Variants in NAALAD2 observed in about 807,000 individuals in gnomAD.
NAALAD2 encodes the protein N-acetylated alpha-linked acidic dipeptidase 2, also known as N-acetylated-alpha-linked acidic dipeptidase 2.
A neutral mutation model predicts 95.6 loss-of-function variants in NAALAD2; 89 were observed. The observed-to-expected ratio is 0.93, with a 90% CI of 0.78 to 1.11. The LOEUF (loss-of-function observed/expected upper bound fraction) is 1.11, where lower values mean the gene tolerates loss of function less well. NAALAD2 is among the 50% of genes least tolerant of loss of function. The pLI, the probability that NAALAD2 is intolerant of heterozygous loss-of-function variation, is 0.00. For missense variants in NAALAD2, 894 were observed against 872.4 expected (o/e 1.02, Z -0.31); for synonymous variants, 264 against 294.4 (o/e 0.90, Z 1.06).
intron 15 of NAALAD2, among the ~76,000 whole-genome samples, chr11:90,176,376 AG>A (rs1952794739): frequency 6.6e-6 from 1 of 152,188 alleles, no homozygotes; most frequent in Non-Finnish European, 1.5e-5. Context: ...TCTCTAGACT[AG>A]TCTTGCAGGC....
chr11:90,180,746 C>G (rs1448782002), intron 16 of NAALAD2, among the ~76,000 whole-genome samples: 2 of 151,754 alleles, frequency 1.3e-5, no homozygotes, highest in African/African-American at 4.8e-5. Flanking sequence ...ATATAGTCAC[C>G]TCTCTATATT....
chr11:90,191,500 A>T, intron 18 of NAALAD2, 58 bp from the exon 19 acceptor site: 3 of 1,275,036 alleles, frequency 2.4e-6, no homozygotes, highest in Non-Finnish European at 3.1e-6. Context: ...CTAAACAAAA[A>T]GCATGCAAAA....
chr11:90,163,532 C>CA lies in NAALAD2; in HGVS notation c.1196-2dup, dbSNP rs754703441. 4 of 1,613,536 alleles carry CA rather than the reference C, an allele frequency of 2.5e-6. No individual in the cohort carries two copies. Among genetic ancestry groups the CA allele is most frequent in the Non-Finnish European group, 3.4e-6 (4 of 1,179,864 alleles). ...TAACCACGTGTGTTAACAATTCTTA[C>CA]AGGCTGGAGACCTAGAAGAACTATC... On this transcript the variant is annotated splice_polypyrimidine_tract_variant and splice_region_variant and intron_variant, in intron 10 of 18. Transcript: ENST00000534061.
chr11:90,150,747 C>T (rs1421026926), intron 5 of NAALAD2, 140 bp downstream of exon 5: 28 of 575,588 alleles, frequency 4.9e-5, no homozygotes, highest in East Asian at 1.5e-4. Flanking sequence ...CATGGGTACA[C>T]GGAAACTCAT....
At chr11:90,180,364 T>G (rs796232693) in intron 16 of NAALAD2, among the ~76,000 whole-genome samples, 3 of 152,200 alleles carry the variant, frequency 2.0e-5, no homozygotes, top group African/African-American at 7.2e-5. Flanking sequence ...AAAACAACAA[T>G]TAAAAGTTAA....
intron 14 of NAALAD2, among the ~76,000 whole-genome samples, chr11:90,174,709 ATTTAT>A (rs1297218348): frequency 1.3e-5 from 2 of 151,704 alleles, no homozygotes; most frequent in African/African-American, 4.8e-5. Flanking sequence ...GCTTTCTTAA[ATTTAT>A]TTTATATTTA....
In NAALAD2 at chr11:90,152,230, GTCTT is replaced by G. The variant is rs947037340; in HGVS notation, c.610-63_610-60del. On this transcript the variant is annotated intron_variant, in intron 5 of 18. Coordinates refer to ENST00000534061, the MANE Select transcript of NAALAD2 (RefSeq NM_005467.4). ...AATATCCTTCCATTATTAAATTAAT[GTCTT>G]TCTTATATGAATAAGCCAACCATTT... The G allele has an allele frequency of 3.3e-4, 454 of 1,363,590 alleles. 1 individual carries two copies. The African/African-American group carries it at 5.8e-3, about 17-fold the overall frequency. 84.5% of individuals were successfully genotyped at this position (1,363,590 alleles called of 1,614,324 possible).
intron 18 of NAALAD2, among the ~76,000 whole-genome samples, chr11:90,186,480 A>G (rs1175685851): frequency 6.6e-6 from 1 of 152,152 alleles, no homozygotes; most frequent in Non-Finnish European, 1.5e-5. Context: ...ATAATGCCGC[A>G]ATAAACATGT....
At chr11:90,187,756 C>T (rs1164510555) in intron 18 of NAALAD2, among the ~76,000 whole-genome samples, 3 of 152,144 alleles carry the variant, frequency 2.0e-5, no homozygotes, top group Admixed American at 1.3e-4. Flanking sequence ...ATTTTATGAA[C>T]CTCAAGAATG....
intron 17 of NAALAD2, 25 bp downstream of exon 17, chr11:90,181,726 TA>T (rs3832738): frequency 0.15 from 139,456 of 952,278 alleles, 306 homozygotes; most frequent in African/African-American, 0.18. Flanking sequence ...CCTTTTTTTT[TA>T]AAAAAAAAAA....
At position 90,191,667 on chromosome 11, in the gene NAALAD2, T is replaced by C. The variant is rs1275774908; in HGVS notation, c.2143T>C (p.Trp715Arg). Reference sequence around the variant, plus strand: ...AAATAAAGCCAACTCTCGTTTGGCCTGGAAAGAAGTAAAGAAACATATTTC... The same window carrying C: ...AAATAAAGCCAACTCTCGTTTGGCCCGGAAAGAAGTAAAGAAACATATTTC... Reference protein sequence around the residue: ...IENKANSRLAWKEVKKHISIA... With the variant: ...IENKANSRLARKEVKKHISIA... Residue 715 changes from tryptophan to arginine, a missense_variant, in exon 19 of 19, where the codon TGG (tryptophan) becomes CGG (arginine). By Grantham distance (101) the Trp-to-Arg change is moderately radical. Transcript: ENST00000534061. 1.2e-6 allele frequency: 2 copies of C among 1,603,104 alleles called. No homozygotes were observed. Among genetic ancestry groups the C allele is most frequent in the Admixed American group, 1.7e-5 (1 of 58,528 alleles).
rs1302413799 is a variant in NAALAD2, at chr11:90,183,000, G to A, written c.2025G>A (p.Leu675=). The change falls in exon 18 of 19, where the codon CTG becomes CTA. Residue 675 remains leucine (L), a synonymous_variant. Coordinates refer to ENST00000534061, the MANE Select transcript of NAALAD2 (RefSeq NM_005467.4). ...ATCCTCTTGGTTTACCAGGAAAGCT[G>A]TTCTATAGGTAAGGAAACAACAGGC... The part of the protein sequence containing the change: ...FIDPLGLPGK[L]FYRHIIFAPS... 1 of 1,611,790 alleles carries A rather than the reference G, an allele frequency of 6.2e-7. No individual in the cohort carries two copies. The highest frequency in any genetic ancestry group is 1.7e-5 in the Admixed American group (1 of 59,972).
intron 6 of NAALAD2, among the ~76,000 whole-genome samples, chr11:90,153,734 CAG>C (rs1951950051): frequency 6.6e-6 from 1 of 152,038 alleles, no homozygotes; most frequent in Non-Finnish European, 1.5e-5. Context: ...TTTCTTTCAG[CAG>C]AGTTTTATAG....
In NAALAD2 at chr11:90,147,368, A is replaced by C; in HGVS notation, c.233A>C (p.Gln78Pro). ...TKLPHLAGTE[Q>P]NFLLAKKIQT... ...CTTCCTCATCTGGCAGGAACAGAACAAAATTTCTTGCTTGCCAAGAAAATC... is the reference window on the plus strand; with the variant it reads ...CTTCCTCATCTGGCAGGAACAGAACCAAATTTCTTGCTTGCCAAGAAAATC... The change falls in exon 3 of 19, where the codon CAA becomes CCA. Residue 78 changes from glutamine (Q) to proline (P), a missense_variant. Transcript: ENST00000534061. 1.9e-6 allele frequency: 3 copies of C among 1,614,062 alleles called. No homozygotes were observed. Among genetic ancestry groups the C allele is most frequent in the Non-Finnish European group, 2.5e-6 (3 of 1,179,998 alleles).
At position 90,191,922 on chromosome 11, in the gene NAALAD2, A is replaced by G; in HGVS notation, c.*175A>G. ...TTTTTTTTGCTCTTTAAAAGTTAATAATTATATTAGCAAAGTGTTAATCTA... is the reference window on the plus strand; with the variant it reads ...TTTTTTTTGCTCTTTAAAAGTTAATGATTATATTAGCAAAGTGTTAATCTA... On this transcript the variant is annotated 3_prime_UTR_variant, in exon 19 of 19. Transcript: ENST00000534061. 1 of 391,482 alleles carries G rather than the reference A, an allele frequency of 2.6e-6. No individual in the cohort carries two copies. Among genetic ancestry groups the G allele is most frequent in the Non-Finnish European group, 4.4e-6 (1 of 228,156 alleles). 24.3% of individuals were successfully genotyped at this position (391,482 alleles called of 1,614,324 possible). A position where few individuals can be genotyped will look rare whatever the true frequency, so the allele number is the denominator to read the frequency against.
Position 90,175,974 on chromosome 11 carries a change from T to A in NAALAD2, c.1505T>A (p.Ile502Asn). The stretch of plus-strand genomic sequence containing the variant: ...TGTGGATTGCATTCTACATCTAGAA[T>A]CAATAAGCTGGGATCTGGAAGTGAC... ...PSPENKNLPR[I>N]NKLGSGSDFE... Residue 502 changes from isoleucine to asparagine, a missense_variant and splice_region_variant, in exon 15 of 19, where the codon ATC becomes AAC. Coordinates refer to ENST00000534061, the MANE Select transcript of NAALAD2 (RefSeq NM_005467.4). The A allele has an allele frequency of 1.9e-6, 3 of 1,591,756 alleles. No individual in the cohort carries two copies. The highest frequency in any genetic ancestry group is 1.7e-6 in the Non-Finnish European group (2 of 1,160,464).
At chr11:90,149,421 TG>T (rs1951831530) in intron 4 of NAALAD2, among the ~76,000 whole-genome samples, 1 of 152,072 alleles carries the variant, frequency 6.6e-6, no homozygotes, top group Non-Finnish European at 1.5e-5. Flanking sequence ...TTTGTTTGTT[TG>T]TTTTTGTTTT....
At chr11:90,158,452 A>T in intron 7 of NAALAD2, 1 of 442,904 alleles carries the variant, frequency 2.3e-6, no homozygotes, top group East Asian at 4.4e-5. Context: ...TCTGTTCGCT[A>T]CAAATGAAAT....
At chr11:90,170,214 G>A (rs549321194) in intron 13 of NAALAD2, 78 bp downstream of exon 13, 11 of 899,610 alleles carry the variant, frequency 1.2e-5, no homozygotes, top group East Asian at 2.4e-5. Context: ...CTAAATTAAT[G>A]GTACTTATTT....
Sources: gnomAD v4.1 joint callset for allele counts (sites outside exome capture counted in the v4.1 genomes callset) on GRCh38, gnomAD v4.1.1 for gene constraint, MANE v1.5 for transcripts, NCBI Gene and HGNC (gene_info 2026-07-23, HGNC 2026-07-21) for gene names.